The following EPHA3 variants were observed in gnomAD, a reference collection of about 807,000 sequenced individuals.
EPHA3 encodes the protein EPH receptor A3, also known as ephrin type-A receptor 3.
Under a neutral mutation model 107.1 loss-of-function variants are expected in EPHA3, and 42 were observed. The ratio of observed to expected loss-of-function variants is 0.39; its 90% CI spans 0.31 to 0.51. EPHA3 has a LOEUF of 0.51. Ranked by LOEUF, EPHA3 falls within the 20% of genes least tolerant of loss-of-function variation. The probability of loss-of-function intolerance (pLI) is 0.78; values close to 1 mark genes in which losing one functional copy is unlikely to be tolerated. For synonymous variants in EPHA3, 461 were observed against 424.8 expected, an observed-to-expected ratio of 1.09 and a Z score of -1.05; for missense variants, 1,183 against 1,211.2, an observed-to-expected ratio of 0.98 and a Z score of 0.35.
intron 3 of EPHA3, among the ~76,000 whole-genome samples, chr3:89,214,423 T>G (rs186851049): frequency 3.4e-4 from 52 of 152,052 alleles, no homozygotes; most frequent in African/African-American, 1.2e-3. Flanking sequence ...TCAATACATT[T>G]TAGAACATTT....
At chr3:89,434,534 T>G (rs1187929565) in intron 13 of EPHA3, among the ~76,000 whole-genome samples, 3 of 152,082 alleles carry the variant, frequency 2.0e-5, no homozygotes, top group African/African-American at 7.2e-5. Flanking sequence ...TAAATTATTA[T>G]GTGAGAGCAT....
chr3:89,247,263 G>A (rs1705055278), intron 3 of EPHA3, among the ~76,000 whole-genome samples: 1 of 152,084 alleles, frequency 6.6e-6, no homozygotes, highest in South Asian at 2.1e-4. Context: ...TTGAGGGGAT[G>A]GGGAATAATT....
intron 3 of EPHA3, among the ~76,000 whole-genome samples, chr3:89,288,219 CA>C (rs1559633533): frequency 6.6e-6 from 1 of 152,034 alleles, no homozygotes; most frequent in Non-Finnish European, 1.5e-5. Flanking sequence ...GTTGGATATT[CA>C]GGCTAGAGTA....
chr3:89,303,107 G>A (rs1399820657), intron 3 of EPHA3, among the ~76,000 whole-genome samples: 2 of 152,072 alleles, frequency 1.3e-5, no homozygotes, highest in African/African-American at 2.4e-5. Flanking sequence ...TGTTGCCCAT[G>A]TTGGTCTTGA....
chr3:89,210,877 A>C (rs1003789418), intron 3 of EPHA3, among the ~76,000 whole-genome samples: 1 of 152,138 alleles, frequency 6.6e-6, no homozygotes, highest in Non-Finnish European at 1.5e-5. Context: ...TTTAGCACTC[A>C]GCTAACCTAA....
intron 13 of EPHA3, among the ~76,000 whole-genome samples, chr3:89,437,562 T>C (rs1709698171): frequency 6.6e-6 from 1 of 152,230 alleles, no homozygotes; most frequent in African/African-American, 2.4e-5. Flanking sequence ...ATGACACTAT[T>C]GTAGAACAGT....
intron 7 of EPHA3, among the ~76,000 whole-genome samples, chr3:89,403,411 T>G (rs1004085630): frequency 1.3e-5 from 2 of 152,128 alleles, no homozygotes; most frequent in Non-Finnish European, 2.9e-5. Context: ...GTTTTTTTTC[T>G]GAGTTTACAT....
chr3:89,352,158 A>C (rs1397643866), intron 5 of EPHA3, among the ~76,000 whole-genome samples: 1 of 151,252 alleles, frequency 6.6e-6, no homozygotes, highest in Non-Finnish European at 1.5e-5. Flanking sequence ...TAATGAAGGA[A>C]TTCCTATCCT....
intron 7 of EPHA3, among the ~76,000 whole-genome samples, chr3:89,401,730 C>T (rs532580357): frequency 6.6e-6 from 1 of 152,122 alleles, no homozygotes; most frequent in Non-Finnish European, 1.5e-5. Flanking sequence ...GTTTCAGCCT[C>T]CCGAGTGGCT....
chr3:89,181,210 A>G (rs1365807169), intron 2 of EPHA3, among the ~76,000 whole-genome samples: 4 of 151,920 alleles, frequency 2.6e-5, no homozygotes, highest in East Asian at 3.9e-4. Flanking sequence ...ATTGGTGTTC[A>G]TTGGTTTTCT....
At chr3:89,453,333 A>G (rs936029796) in intron 15 of EPHA3, among the ~76,000 whole-genome samples, 3 of 152,318 alleles carry the variant, frequency 2.0e-5, no homozygotes, top group African/African-American at 7.2e-5. Flanking sequence ...TAGTCTTACT[A>G]TCAGATCATA....
intron 3 of EPHA3, among the ~76,000 whole-genome samples, chr3:89,244,870 C>G (rs1235343234): frequency 6.6e-6 from 1 of 152,148 alleles, no homozygotes; most frequent in Non-Finnish European, 1.5e-5. Context: ...AATGAAGTGA[C>G]ACATTTTCCT....
intron 1 of EPHA3, among the ~76,000 whole-genome samples, chr3:89,111,410 C>G (rs1707104313): frequency 6.6e-6 from 1 of 151,958 alleles, no homozygotes; most frequent in South Asian, 2.1e-4. Flanking sequence ...AGAGGGTTTA[C>G]ATTTGCTTTT....
At position 89,268,083 on chromosome 3, in the gene EPHA3, T is replaced by G. The variant is rs557968415; in HGVS notation, c.814+57563T>G. ...AATAGCTAGGATGGGCTTACTGATA[T>G]AGGTTAAGAAAAATTATGAAGTTAA... On this transcript the variant is annotated intron_variant, in intron 3 of 16. Transcript: ENST00000336596. Among the ~76,000 whole-genome samples the G allele has an allele frequency of 1.7e-4, 26 of 152,156 alleles. No individual in the cohort carries two copies. The South Asian group carries it at 2.5e-3, about 15-fold the overall frequency.
intron 5 of EPHA3, among the ~76,000 whole-genome samples, chr3:89,382,247 C>T (rs1708524651): frequency 6.6e-6 from 1 of 152,114 alleles, no homozygotes; most frequent in Admixed American, 6.6e-5. Context: ...GTGGCTCACA[C>T]ATGTAATCTT....
At chr3:89,138,761 C>A (rs72919895) in intron 2 of EPHA3, among the ~76,000 whole-genome samples, 34,411 of 151,622 alleles carry the variant, frequency 0.23, 4,051 homozygotes, top group Middle Eastern at 0.33. Flanking sequence ...TCAAGTAGAA[C>A]TTTTATTATT....
At position 89,414,654 on chromosome 3, in the gene EPHA3, G is replaced by T. The variant is rs1347040228; in HGVS notation, c.1888+1388G>T. On this transcript the variant is annotated intron_variant, in intron 10 of 16. Transcript: ENST00000336596. Reference sequence around the variant, plus strand: ...GAGAATATGTTGAGAGGAGGAAAAGGTTACTTATGCTAAGCCACTGTCCAA... The same window carrying T: ...GAGAATATGTTGAGAGGAGGAAAAGTTTACTTATGCTAAGCCACTGTCCAA... Among the ~76,000 whole-genome samples, 3 of 151,660 alleles carry T rather than the reference G, an allele frequency of 2.0e-5. No homozygotes were observed. In the South Asian group the frequency reaches 6.2e-4, roughly 31 times the overall value.
intron 3 of EPHA3, among the ~76,000 whole-genome samples, chr3:89,333,607 C>G (rs557832747): frequency 6.6e-6 from 1 of 152,310 alleles, no homozygotes; most frequent in South Asian, 2.1e-4. Context: ...GGCAGGGTGG[C>G]TCATGCCTGT....
At chr3:89,396,373 A>G (rs530082806) in intron 6 of EPHA3, among the ~76,000 whole-genome samples, 5 of 152,292 alleles carry the variant, frequency 3.3e-5, no homozygotes, top group African/African-American at 9.6e-5. Context: ...AAATAGCAAC[A>G]TTGTGCTAGT....
Sources: gnomAD v4.1 joint callset for allele counts (sites outside exome capture counted in the v4.1 genomes callset) on GRCh38, gnomAD v4.1.1 for gene constraint, MANE v1.5 for transcripts, NCBI Gene and HGNC (gene_info 2026-07-23, HGNC 2026-07-21) for gene names.